The following MNS1 variants were observed in gnomAD, a reference collection of about 807,000 sequenced individuals.
MNS1 encodes meiosis specific nuclear structural 1.
Under a neutral mutation model 72.0 loss-of-function variants are expected in MNS1, and 63 were observed. The observed-to-expected ratio is 0.87, with a 90% confidence interval of 0.71 to 1.08. The LOEUF is 1.08. MNS1 is among the 50% of genes least tolerant of loss of function. The pLI, the probability that MNS1 is intolerant of heterozygous loss-of-function variation, is 0.00. For synonymous variants in MNS1, 188 were observed against 172.1 expected (o/e 1.09, Z -0.72); for missense variants, 604 against 562.4 (o/e 1.07, Z -0.75).
intron 3 of MNS1, among the ~76,000 whole-genome samples, chr15:56,452,664 G>A (rs1195094189): frequency 2.0e-5 from 3 of 151,712 alleles, no homozygotes; most frequent in African/African-American, 7.3e-5. Context: ...GACTACAGGC[G>A]TGTGCCACCA....
At chr15:56,461,415 C>G (rs1278906996) in intron 2 of MNS1, among the ~76,000 whole-genome samples, 1 of 152,088 alleles carries the variant, frequency 6.6e-6, no homozygotes, top group South Asian at 2.1e-4. Context: ...AATCCCAGCA[C>G]TTTGGGAGGC....
At chr15:56,460,786 A>G (rs377513459) in intron 2 of MNS1, among the ~76,000 whole-genome samples, 2 of 152,228 alleles carry the variant, frequency 1.3e-5, no homozygotes, top group African/African-American at 2.4e-5. Flanking sequence ...CCACTAAATG[A>G]TAACAGCGCT....
At chr15:56,429,289 C>G (rs1166671174) in intron 9 of MNS1, 96 bp from the exon 10 acceptor site, 1 of 751,996 alleles carries the variant, frequency 1.3e-6, no homozygotes. Flanking sequence ...AAAGTTATCT[C>G]CAAGGTAATG....
At position 56,446,875 on chromosome 15, in the gene MNS1, A is replaced by G. The variant is rs1297753631; in HGVS notation, c.422T>C (p.Ile141Thr). The change falls in exon 4 of 10, where the codon ATT becomes ACT. Residue 141 changes from isoleucine (I) to threonine (T), a missense_variant. Transcript: ENST00000260453. Reference protein sequence around the residue: ...AYMNKERAAQIAEKDAIKYEQ... With the variant: ...AYMNKERAAQTAEKDAIKYEQ... ...ATATTTAATGGCATCCTTTTCAGCA[A>G]TCTGAGCTGCCCTTTCTTTATTCAT... 3.7e-6 allele frequency: 6 copies of G among 1,610,670 alleles called. No individual in the cohort carries two copies. The highest frequency in any genetic ancestry group is 5.1e-6 in the Non-Finnish European group (6 of 1,179,004).
intron 8 of MNS1, among the ~76,000 whole-genome samples, chr15:56,433,093 C>A (rs2050641551): frequency 6.6e-6 from 1 of 152,110 alleles, no homozygotes; most frequent in South Asian, 2.1e-4. Context: ...TTCCCCTGGG[C>A]CACCAAATCA....
At chr15:56,437,109 C>T (rs1029246265) in intron 7 of MNS1, among the ~76,000 whole-genome samples, 4 of 152,118 alleles carry the variant, frequency 2.6e-5, no homozygotes, top group Non-Finnish European at 4.4e-5. Flanking sequence ...TTTATGAGGC[C>T]AGCAGCATCC....
chr15:56,464,579 C>CCCACCACCACCA (rs3050228), intron 1 of MNS1, among the ~76,000 whole-genome samples: 3 of 150,396 alleles, frequency 2.0e-5, no homozygotes, highest in African/African-American at 4.9e-5. Context: ...CCTCATTCCA[C>CCCACCACCACCA]CCACCACCAC....
At chr15:56,455,342 C>T (rs1454403602) in intron 3 of MNS1, among the ~76,000 whole-genome samples, 2 of 149,376 alleles carry the variant, frequency 1.3e-5, no homozygotes, top group Non-Finnish European at 3.0e-5. Flanking sequence ...GAACAATAAG[C>T]AGATTTTAAC....
rs56022687 is a variant in MNS1, at chr15:56,461,975, G to GTTTTTTTTTTTTTTT, written c.225+2036_225+2050dup. ...AATAACAAAGTGTTTTTTTGTTGTT[G>GTTTTTTTTTTTTTTT]TTTTTTTTTTTTTTTTTTTTTTTTT... On this transcript the variant is annotated intron_variant, in intron 2 of 9. Coordinates refer to ENST00000260453, the MANE Select transcript of MNS1 (RefSeq NM_018365.4). Among the ~76,000 whole-genome samples, 32 of 97,904 alleles carry GTTTTTTTTTTTTTTT rather than the reference G, an allele frequency of 3.3e-4. 2 individuals are homozygous for GTTTTTTTTTTTTTTT. The highest frequency in any genetic ancestry group is 4.8e-4 in the Non-Finnish European group (23 of 48,006). The allele number at this position is 97,904 out of a possible 152,430, so 64.2% of individuals were successfully genotyped here.
chr15:56,460,009 A>AAAAATATAT lies in MNS1; in HGVS notation c.226-3489_226-3488insATATATTTT. On this transcript the variant is annotated intron_variant, in intron 2 of 9. Coordinates refer to ENST00000260453, the MANE Select transcript of MNS1 (RefSeq NM_018365.4). The stretch of plus-strand genomic sequence containing the variant: ...CTGTCTCAAAAAAAAAAAAAAAAAA[A>AAAAATATAT]ATACATATATATATATATATATATA... Among the ~76,000 whole-genome samples the AAAAATATAT allele has an allele frequency of 1.5e-4, 4 of 26,386 alleles. 1 individual carries two copies. The highest frequency in any genetic ancestry group is 1.5e-4 in the African/African-American group (1 of 6,654). The allele number at this position is 26,386 out of a possible 152,430, so 17.3% of individuals were successfully genotyped here.
Position 56,464,964 on chromosome 15 carries a change from G to A in MNS1, c.3+6C>T, listed in dbSNP as rs747919343. ...CAAGTAGTTTCAAGTCCCCCAACTG[G>A]CTCACCATCTTGGCTGACGAAAAAT... On this transcript the variant is annotated splice_donor_region_variant and intron_variant, in intron 1 of 9. Coordinates refer to ENST00000260453, the MANE Select transcript of MNS1 (RefSeq NM_018365.4). 1 of 1,611,064 alleles carries A rather than the reference G, an allele frequency of 6.2e-7. No homozygotes were observed. The highest frequency in any genetic ancestry group is 1.1e-5 in the South Asian group (1 of 90,456).
intron 2 of MNS1, among the ~76,000 whole-genome samples, chr15:56,461,436 A>G (rs1596269514): frequency 6.6e-6 from 1 of 152,102 alleles, no homozygotes; most frequent in Non-Finnish European, 1.5e-5. Context: ...CGAGGCAGGC[A>G]GATCACTTGA....
In MNS1 at chr15:56,460,009, A is replaced by AAAAAAAAAAAT; in HGVS notation, c.226-3489_226-3488insATTTTTTTTTT. Among the ~76,000 whole-genome samples the AAAAAAAAAAAT allele has an allele frequency of 9.0e-3, 236 of 26,366 alleles. 55 individuals are homozygous for AAAAAAAAAAAT. The highest frequency in any genetic ancestry group is 0.012 in the Non-Finnish European group (173 of 14,294). 17.3% of individuals were successfully genotyped at this position (26,366 alleles called of 152,430 possible). On this transcript the variant is annotated intron_variant, in intron 2 of 9. Coordinates refer to ENST00000260453, the MANE Select transcript of MNS1 (RefSeq NM_018365.4). ...CTGTCTCAAAAAAAAAAAAAAAAAA[A>AAAAAAAAAAAT]ATACATATATATATATATATATATA... is the stretch of plus-strand genomic sequence containing the variant.
At position 56,431,489 on chromosome 15, in the gene MNS1, G is replaced by C; in HGVS notation, c.1279C>G (p.Leu427Val). ...QQFLADKQRE[L>V]EEWQLQQRRQ... The stretch of plus-strand genomic sequence containing the variant: ...CTTTGCTGCAACTGCCACTCTTCTA[G>C]TTCACGTTGCTGGAAATGCAGATCA... Residue 427 changes from leucine to valine, a missense_variant, in exon 9 of 10, where the codon CTA (leucine) becomes GTA (valine). Physicochemically the swap from Leu to Val is conservative, Grantham distance 32 (BLOSUM62 1). Transcript: ENST00000260453. 1 of 1,613,564 alleles carries C rather than the reference G, an allele frequency of 6.2e-7. No homozygotes were observed. The highest frequency in any genetic ancestry group is 8.5e-7 in the Non-Finnish European group (1 of 1,179,876).
At position 56,431,359 on chromosome 15, in the gene MNS1, T is replaced by C. The variant is rs1567146006; in HGVS notation, c.1395+14A>G. 6.2e-7 allele frequency: 1 copy of C among 1,608,588 alleles called. No homozygotes were observed. The highest frequency in any genetic ancestry group is 1.3e-5 in the African/African-American group (1 of 74,732). On this transcript the variant is annotated intron_variant, in intron 9 of 9. Coordinates refer to ENST00000260453, the MANE Select transcript of MNS1 (RefSeq NM_018365.4). ...AGGTCATGAAGATTACAACTTGAGATAAATCTCACTTACTTTAGGGAGATA... is the reference window on the plus strand; with the variant it reads ...AGGTCATGAAGATTACAACTTGAGACAAATCTCACTTACTTTAGGGAGATA...
intron 8 of MNS1, 141 bp downstream of exon 8, chr15:56,433,997 G>C: frequency 1.1e-6 from 1 of 893,696 alleles, no homozygotes; most frequent in African/African-American, 1.8e-5. Flanking sequence ...AGCAAAAATG[G>C]TCAGAAAATT....
At chr15:56,437,492 A>G (rs2050747147) in intron 7 of MNS1, among the ~76,000 whole-genome samples, 1 of 152,180 alleles carries the variant, frequency 6.6e-6, no homozygotes. Flanking sequence ...ATTTATGACA[A>G]ACCCACAGCC....
intron 3 of MNS1, among the ~76,000 whole-genome samples, chr15:56,452,802 G>A (rs558795449): frequency 1.5e-4 from 23 of 152,238 alleles, no homozygotes; most frequent in African/African-American, 5.3e-4. Context: ...ACAGGCATGA[G>A]CCACCGCACC....
At chr15:56,437,802 A>G (rs1262607958) in intron 7 of MNS1, among the ~76,000 whole-genome samples, 1 of 152,222 alleles carries the variant, frequency 6.6e-6, no homozygotes, top group Non-Finnish European at 1.5e-5. Flanking sequence ...AAAAATCACA[A>G]GCATTCTTAT....
Sources: gnomAD v4.1 joint callset for allele counts (sites outside exome capture counted in the v4.1 genomes callset) on GRCh38, gnomAD v4.1.1 for gene constraint, MANE v1.5 for transcripts, NCBI Gene and HGNC (gene_info 2026-07-23, HGNC 2026-07-21) for gene names.